RAD17: variants seen among roughly 807,000 people sequenced by gnomAD.
The protein encoded by RAD17 is cell cycle checkpoint protein RAD17.
In RAD17, 31 loss-of-function variants were observed where a neutral mutation model predicts 81.5. The observed-to-expected ratio is 0.38, with a 90% CI of 0.29 to 0.51. The LOEUF (loss-of-function observed/expected upper bound fraction) is 0.51. Among genes scored for constraint, RAD17 ranks in the 20% least tolerant of loss-of-function variants. The pLI, the probability that RAD17 is intolerant of heterozygous loss-of-function variation, is 0.88. For synonymous variants in RAD17, 261 were observed against 266.2 expected (o/e 0.98, Z 0.19); for missense variants, 681 against 781.2 (o/e 0.87, Z 1.53).
chr5:69,377,437 GTGTATATATATATATA>G (rs1315062082), intron 6 of RAD17, among the ~76,000 whole-genome samples: 890 of 25,750 alleles, frequency 0.035, 39 homozygotes, highest in Middle Eastern at 0.19. Context: ...GTGTGTGTGT[GTGTATATATATATATA>G]TATATATATA....
chr5:69,381,208 C>T (rs938698419), intron 6 of RAD17, among the ~76,000 whole-genome samples: 1 of 151,932 alleles, frequency 6.6e-6, no homozygotes, highest in Non-Finnish European at 1.5e-5. Context: ...TTGCTGGGAG[C>T]GGTGGCTCAC....
At chr5:69,369,540 T>C (rs374127732), upstream of RAD17, 5 of 1,610,552 alleles carry the variant, frequency 3.1e-6, no homozygotes, top group African/African-American at 4.0e-5. Context: ...CCCTTTGCTC[T>C]ACAGGGAGGA....
intron 6 of RAD17, among the ~76,000 whole-genome samples, chr5:69,380,626 G>T (rs553987775): frequency 6.1e-4 from 93 of 151,646 alleles, no homozygotes; most frequent in African/African-American, 2.2e-3. Flanking sequence ...GCCTACCATT[G>T]TATGTAGGAA....
chr5:69,371,199 TG>T (rs766769770), intron 2 of RAD17, 28 bp downstream of exon 2: 5 of 515,108 alleles, frequency 9.7e-6, no homozygotes, highest in South Asian at 1.6e-5. Context: ...GTGGTTTTTT[TG>T]TTTTTTTTTT....
chr5:69,393,731 C>CT (rs1353927387), intron 15 of RAD17, among the ~76,000 whole-genome samples: 1 of 151,006 alleles, frequency 6.6e-6, no homozygotes, highest in African/African-American at 2.4e-5. Context: ...TTCTTTTTTT[C>CT]TTTTTTTTCT....
In RAD17 at chr5:69,393,503, A is replaced by G. The variant is rs1000188011; in HGVS notation, c.1422+3A>G. On this transcript the variant is annotated splice_donor_region_variant and intron_variant, in intron 15 of 18. Transcript: ENST00000354868. ...ATATCCTCAGTGGTGACTGGAATGT[A>G]AGACCATTTGACTTAAAATGTTTAT... 3.1e-6 allele frequency: 5 copies of G among 1,593,040 alleles called. No homozygotes were observed. Among genetic ancestry groups the G allele is most frequent in the East Asian group, 2.2e-5 (1 of 44,656 alleles).
At chr5:69,394,587 T>C (rs1329393999) in intron 15 of RAD17, among the ~76,000 whole-genome samples, 1 of 40,592 alleles carries the variant, frequency 2.5e-5, no homozygotes, top group South Asian at 7.0e-4. Context: ...ATGTAGCTAT[T>C]TACATTTAAA....
At chr5:69,380,986 C>T (rs897498183) in intron 6 of RAD17, among the ~76,000 whole-genome samples, 3 of 151,868 alleles carry the variant, frequency 2.0e-5, no homozygotes, top group Non-Finnish European at 2.9e-5. Flanking sequence ...CTAGGCTGGT[C>T]TCAGACTCCT....
intron 17 of RAD17, among the ~76,000 whole-genome samples, chr5:69,401,120 G>A (rs1188444429): frequency 6.6e-6 from 1 of 152,118 alleles, no homozygotes; most frequent in Non-Finnish European, 1.5e-5. Context: ...TGAGGCAGGA[G>A]AACCTTCAAC....
intron 7 of RAD17, among the ~76,000 whole-genome samples, chr5:69,382,857 G>A (rs1763941242): frequency 6.6e-6 from 1 of 151,964 alleles, no homozygotes; most frequent in African/African-American, 2.4e-5. Context: ...GCCCAGGCTG[G>A]AGTACAACCT....
intron 17 of RAD17, among the ~76,000 whole-genome samples, chr5:69,403,158 A>G (rs1765379034): frequency 6.6e-6 from 1 of 152,166 alleles, no homozygotes; most frequent in African/African-American, 2.4e-5. Context: ...TCCTTTGTAA[A>G]ATGATAACTC....
Position 69,389,165 on chromosome 5 carries a change from TC to T in RAD17, c.1006+21del. 2 of 1,438,988 alleles carry T rather than the reference TC, an allele frequency of 1.4e-6. No homozygotes were observed. The highest frequency in any genetic ancestry group is 9.5e-7 in the Non-Finnish European group (1 of 1,051,450). 89.1% of individuals were successfully genotyped at this position (1,438,988 alleles called of 1,614,324 possible). On this transcript the variant is annotated intron_variant, in intron 12 of 18. Transcript: ENST00000354868. ...CAAAAGGTAACTATGGAAGATACAG[TC>T]ATGTGGCATTATATAGGTGACTGAC...
intron 17 of RAD17, among the ~76,000 whole-genome samples, chr5:69,402,000 T>A (rs573803807): frequency 7.7e-4 from 58 of 75,476 alleles, no homozygotes; most frequent in African/African-American, 2.8e-3. Flanking sequence ...CAAGACTCTG[T>A]CTCAAAAAAA....
At chr5:69,373,713 T>TAA in intron 4 of RAD17, 117 bp from the exon 5 acceptor site, 1 of 227,170 alleles carries the variant, frequency 4.4e-6, no homozygotes, top group South Asian at 8.5e-5. Flanking sequence ...TTTTTTTTTT[T>TAA]TTTAAGTTTT....
chr5:69,414,568 C>CA lies in RAD17; in HGVS notation c.*279dup. ...TATAAAGTGTGTTTGAACATTATGC[C>CA]AAATATCAAGATGTGAAGGACTAAT... On this transcript the variant is annotated 3_prime_UTR_variant, in exon 19 of 19. Coordinates refer to ENST00000354868, the MANE Select transcript of RAD17 (RefSeq NM_133338.3). The CA allele has an allele frequency of 2.2e-6, 1 of 454,656 alleles. No homozygotes were observed. The allele number at this position is 454,656 out of a possible 1,614,324, so 28.2% of individuals were successfully genotyped here.
At chr5:69,409,954 A>G (rs1027756021) in intron 17 of RAD17, among the ~76,000 whole-genome samples, 10 of 152,188 alleles carry the variant, frequency 6.6e-5, no homozygotes, top group African/African-American at 2.4e-4. Context: ...TTGCACTTAG[A>G]ATGATGTCAT....
At position 69,374,601 on chromosome 5, in the gene RAD17, G is replaced by C; in HGVS notation, c.268-27G>C. 1.9e-6 allele frequency: 3 copies of C among 1,572,774 alleles called. No homozygotes were observed. In the South Asian group the frequency reaches 3.5e-5, roughly 18 times the overall value. On this transcript the variant is annotated intron_variant, in intron 5 of 18. Transcript: ENST00000354868. ...AAAAAATCTTCAGTTAAGAAGTTTTGTTTTAAATTTGAAATTTTTGTTGTA... is the reference window on the plus strand; with the variant it reads ...AAAAAATCTTCAGTTAAGAAGTTTTCTTTTAAATTTGAAATTTTTGTTGTA...
At chr5:69,404,416 A>G (rs1291603506) in intron 17 of RAD17, among the ~76,000 whole-genome samples, 1 of 152,182 alleles carries the variant, frequency 6.6e-6, no homozygotes, top group Admixed American at 6.6e-5. Context: ...AAACAACCCA[A>G]TTAAAAAACA....
intron 8 of RAD17, 21 bp downstream of exon 8, chr5:69,384,954 CTTTTTTT>C (rs375164458): frequency 1.6e-5 from 20 of 1,278,756 alleles, no homozygotes; most frequent in South Asian, 4.4e-5. Context: ...CTTTTAAAAT[CTTTTTTT>C]TTTTTTTTTT....
Sources: allele counts gnomAD v4.1 joint callset (sites outside exome capture counted in the v4.1 genomes callset), GRCh38; gene constraint gnomAD v4.1.1; transcripts MANE v1.5; gene names NCBI Gene and HGNC (gene_info 2026-07-23, HGNC 2026-07-21).